PCDHA1: variants seen among roughly 807,000 people sequenced by gnomAD.
PCDHA1 encodes the protein protocadherin alpha 1.
In PCDHA1, 42 loss-of-function variants were observed where a neutral mutation model predicts 61.3. The ratio of observed to expected loss-of-function variants is 0.69; its 90% CI spans 0.54 to 0.89. The LOEUF (loss-of-function observed/expected upper bound fraction) is 0.89, where lower values mean the gene tolerates loss of function less well. Ranked by LOEUF, PCDHA1 falls within the 40% of genes least tolerant of loss-of-function variation. The probability of loss-of-function intolerance (pLI) is 0.00; values close to 1 mark genes in which losing one functional copy is unlikely to be tolerated. For synonymous variants in PCDHA1, 610 were observed against 553.8 expected (o/e 1.10, Z -1.43); for missense variants, 1,256 against 1,235.3 (o/e 1.02, Z -0.25).
At chr5:140,997,615 T>C (rs900460811) in intron 3 of PCDHA1, among the ~76,000 whole-genome samples, 5 of 152,096 alleles carry the variant, frequency 3.3e-5, no homozygotes, top group Non-Finnish European at 7.3e-5. Context: ...CATGACTATA[T>C]AGAGATTTTC....
At chr5:140,828,948 C>G in intron 1 of PCDHA1, 1 of 1,614,170 alleles carries the variant, frequency 6.2e-7, no homozygotes, top group Non-Finnish European at 8.5e-7. Context: ...AGCCTTGTTG[C>G]AGCCATGGTT....
intron 1 of PCDHA1, among the ~76,000 whole-genome samples, chr5:140,943,674 A>G (rs1401531217): frequency 6.6e-6 from 1 of 152,240 alleles, no homozygotes; most frequent in Non-Finnish European, 1.5e-5. Context: ...TAAAGTGTGA[A>G]AAAAAGGGAT....
In PCDHA1 at chr5:140,892,541, T is replaced by G. The variant is rs192378744; in HGVS notation, c.2395-86408T>G. Among the ~76,000 whole-genome samples, 3 of 152,250 alleles carry G rather than the reference T, an allele frequency of 2.0e-5. 1 individual carries two copies. The highest frequency in any genetic ancestry group is 7.2e-5 in the African/African-American group (3 of 41,464). ...CTGGTAGACTCAGGATTCTGACTTT[T>G]GTTTCTCTAGTCCTTGGAGACTGTC... On this transcript the variant is annotated intron_variant, in intron 1 of 3. Transcript: ENST00000504120.
intron 1 of PCDHA1, chr5:140,859,356 A>C (rs1159666697): frequency 7.9e-6 from 2 of 251,624 alleles, no homozygotes; most frequent in Admixed American, 9.1e-5. Flanking sequence ...TACTGATCTG[A>C]TATATTGTAT....
intron 1 of PCDHA1, among the ~76,000 whole-genome samples, chr5:140,943,353 G>A (rs2093481887): frequency 6.6e-6 from 1 of 151,602 alleles, no homozygotes; most frequent in Non-Finnish European, 1.5e-5. Flanking sequence ...TGAGAGTAGA[G>A]GAAAGGAGAT....
At chr5:140,877,943 T>C in intron 1 of PCDHA1, 1 of 1,363,226 alleles carries the variant, frequency 7.3e-7, no homozygotes, top group Non-Finnish European at 9.6e-7. Context: ...TCCTTTAAAC[T>C]ATCGAATGTC....
intron 1 of PCDHA1, among the ~76,000 whole-genome samples, chr5:140,943,273 A>G (rs1451221832): frequency 1.3e-5 from 2 of 150,472 alleles, no homozygotes; most frequent in East Asian, 1.9e-4. Flanking sequence ...AAAAAAAAAA[A>G]AAAAGAAAGA....
At position 140,850,061 on chromosome 5, in the gene PCDHA1, G is replaced by T. The variant is rs2150465496; in HGVS notation, c.2394+61377G>T. 7 of 1,596,546 alleles carry T rather than the reference G, an allele frequency of 4.4e-6. No individual in the cohort carries two copies. In the South Asian group the frequency reaches 6.6e-5, roughly 15 times the overall value. ...GCGGCAAGGTGTACGCGCTGCAGCCGTTGGACCACGAGGAGCTGGAGCTGC... is the reference window on the plus strand; with the variant it reads ...GCGGCAAGGTGTACGCGCTGCAGCCTTTGGACCACGAGGAGCTGGAGCTGC... On this transcript the variant is annotated intron_variant, in intron 1 of 3. Transcript: ENST00000504120.
chr5:140,840,958 C>A (rs1776953520), intron 1 of PCDHA1, among the ~76,000 whole-genome samples: 1 of 152,042 alleles, frequency 6.6e-6, no homozygotes, highest in Admixed American at 6.5e-5. Context: ...GAAGAAATTC[C>A]TTTCCTTATG....
At chr5:140,896,811 T>G (rs2065758053) in intron 1 of PCDHA1, among the ~76,000 whole-genome samples, 1 of 152,266 alleles carries the variant, frequency 6.6e-6, no homozygotes, top group African/African-American at 2.4e-5. Flanking sequence ...GGTTGTCTGT[T>G]TACTCTGTTC....
Position 140,876,293 on chromosome 5 carries a change from A to G in PCDHA1, c.2394+87609A>G, listed in dbSNP as rs201253884. Reference sequence around the variant, plus strand: ...GCTTCCGATCCAGACGAAGGACTTAATGGAGAAATTTCCTATGGGATCAAA... The same window carrying G: ...GCTTCCGATCCAGACGAAGGACTTAGTGGAGAAATTTCCTATGGGATCAAA... On this transcript the variant is annotated intron_variant, in intron 1 of 3. Transcript: ENST00000504120. The G allele has an allele frequency of 9.9e-6, 16 of 1,613,942 alleles. No homozygotes were observed. The highest frequency in any genetic ancestry group is 2.5e-6 in the Non-Finnish European group (3 of 1,179,906).
intron 1 of PCDHA1, among the ~76,000 whole-genome samples, chr5:140,977,055 A>T (rs1220462981): frequency 1.3e-5 from 2 of 152,234 alleles, no homozygotes; most frequent in African/African-American, 4.8e-5. Flanking sequence ...CTGATGGACT[A>T]GTATAGAAAA....
intron 1 of PCDHA1, chr5:140,835,435 C>G (rs782068094): frequency 6.2e-7 from 1 of 1,613,788 alleles, no homozygotes; most frequent in Non-Finnish European, 8.5e-7. Context: ...CCACAGTTGA[C>G]TCTCACTTCC....
Position 140,786,496 on chromosome 5 carries a change from A to G in PCDHA1, c.206A>G (p.Lys69Arg), listed in dbSNP as rs1554117410. Residue 69 changes from lysine to arginine, a missense_variant, in exon 1 of 4, where the codon AAA (lysine) becomes AGA (arginine). By Grantham distance (26) the Lys-to-Arg change is conservative (BLOSUM62 2). Transcript: ENST00000504120. ...LVPRLFRVAS[K>R]THRDLLEVNL... ...CCTCGCCTGTTCCGGGTGGCGTCCAAAACACACAGGGACCTTCTGGAGGTA... is the reference window on the plus strand; with the variant it reads ...CCTCGCCTGTTCCGGGTGGCGTCCAGAACACACAGGGACCTTCTGGAGGTA... 1 of 1,613,870 alleles carries G rather than the reference A, an allele frequency of 6.2e-7. No homozygotes were observed. The highest frequency in any genetic ancestry group is 2.2e-5 in the East Asian group (1 of 44,892).
chr5:140,823,780 G>A lies in PCDHA1; in HGVS notation c.2394+35096G>A, dbSNP rs2150129118. ...CACAGCCACAGTGCTGGTGTCGCTG[G>A]TGGAAAGTGGCCAGGCGCCGAAGGC... On this transcript the variant is annotated intron_variant, in intron 1 of 3. Coordinates refer to ENST00000504120, the MANE Select transcript of PCDHA1 (RefSeq NM_018900.4). 4 of 1,613,760 alleles carry A rather than the reference G, an allele frequency of 2.5e-6. No individual in the cohort carries two copies. The South Asian group carries it at 3.3e-5, about 13-fold the overall frequency.
At chr5:140,959,751 T>C (rs553950058) in intron 1 of PCDHA1, among the ~76,000 whole-genome samples, 12 of 152,210 alleles carry the variant, frequency 7.9e-5, no homozygotes, top group Non-Finnish European at 1.8e-4. Flanking sequence ...CCTTAAAGTA[T>C]ATTTTAATAT....
At chr5:140,834,409 CA>C (rs1179533685) in intron 1 of PCDHA1, 2 of 1,610,410 alleles carry the variant, frequency 1.2e-6, no homozygotes, top group Non-Finnish European at 1.7e-6. Context: ...GGATACGACC[CA>C]GGGGGCCGAC....
chr5:140,788,587 A>C lies in PCDHA1; in HGVS notation c.2297A>C (p.Lys766Thr). The C allele has an allele frequency of 6.2e-7, 1 of 1,614,214 alleles. No homozygotes were observed. Among genetic ancestry groups the C allele is most frequent in the Non-Finnish European group, 8.5e-7 (1 of 1,180,026 alleles). ...GTGTGCTCTAGCGAGGGCCCACCCA[A>C]GACCGACCTCATGGCCTTCAGCCCA... ...QRVCSSEGPP[K>T]TDLMAFSPGL... Residue 766 changes from lysine to threonine, a missense_variant, in exon 1 of 4, where the codon AAG becomes ACG. Coordinates refer to ENST00000504120, the MANE Select transcript of PCDHA1 (RefSeq NM_018900.4).
intron 1 of PCDHA1, chr5:140,875,760 C>A (rs781811926): frequency 1.2e-6 from 2 of 1,614,200 alleles, no homozygotes; most frequent in Non-Finnish European, 1.7e-6. Flanking sequence ...AGAAGCTGTG[C>A]GGGCGGAGCG....
Sources: allele counts gnomAD v4.1 joint callset (sites outside exome capture counted in the v4.1 genomes callset), GRCh38; gene constraint gnomAD v4.1.1; transcripts MANE v1.5; gene names NCBI Gene and HGNC (gene_info 2026-07-23, HGNC 2026-07-21).